The following TRPM3 variants were observed in gnomAD, a reference collection of about 807,000 sequenced individuals.
TRPM3 encodes the protein long transient receptor potential channel 3.
Under a neutral mutation model 181.2 loss-of-function variants are expected in TRPM3, and 77 were observed. The ratio of observed to expected loss-of-function variants is 0.42; its 90% CI spans 0.35 to 0.51. The LOEUF (loss-of-function observed/expected upper bound fraction) is 0.51, where lower values mean the gene tolerates loss of function less well. TRPM3 is among the 20% of genes least tolerant of loss of function. The probability of loss-of-function intolerance (pLI) is 0.01; values close to 1 mark genes in which losing one functional copy is unlikely to be tolerated. For synonymous variants in TRPM3, 745 were observed against 796.4 expected (o/e 0.94, Z 1.09); for missense variants, 1,759 against 2,196.7 (o/e 0.80, Z 3.98).
chr9:71,296,749 C>G (rs1315280163), intron 1 of TRPM3, among the ~76,000 whole-genome samples: 3 of 152,008 alleles, frequency 2.0e-5, no homozygotes, highest in Non-Finnish European at 4.4e-5. Flanking sequence ...GCTACAAGAC[C>G]CAACAGACTA....
intron 1 of TRPM3, among the ~76,000 whole-genome samples, chr9:71,307,334 T>C (rs1040571202): frequency 6.6e-6 from 1 of 152,140 alleles, no homozygotes; most frequent in East Asian, 1.9e-4. Flanking sequence ...AATCCTATAA[T>C]TGCATTTGAA....
chr9:70,667,049 T>C (rs2061944119), intron 9 of TRPM3, among the ~76,000 whole-genome samples: 1 of 152,102 alleles, frequency 6.6e-6, no homozygotes, highest in Non-Finnish European at 1.5e-5. Context: ...AAAGACAGTA[T>C]TGGTGAATTT....
chr9:71,096,560 G>GCA (rs35388140), intron 1 of TRPM3, among the ~76,000 whole-genome samples: 7,499 of 77,986 alleles, frequency 0.096, 447 homozygotes, highest in African/African-American at 0.14. Flanking sequence ...GTGAGCGCAT[G>GCA]CACACACACA....
chr9:71,377,454 T>C (rs972050081), intron 1 of TRPM3, among the ~76,000 whole-genome samples: 2 of 152,016 alleles, frequency 1.3e-5, no homozygotes, highest in African/African-American at 4.8e-5. Context: ...CCTCTGAAAT[T>C]GTTTGCATTC....
chr9:70,599,410 C>T (rs2059517015), intron 20 of TRPM3, among the ~76,000 whole-genome samples: 1 of 152,184 alleles, frequency 6.6e-6, no homozygotes. Flanking sequence ...AAATGAACAA[C>T]AACAACAACA....
intron 1 of TRPM3, among the ~76,000 whole-genome samples, chr9:71,178,436 T>C (rs914208467): frequency 6.6e-6 from 1 of 152,098 alleles, no homozygotes; most frequent in Non-Finnish European, 1.5e-5. Flanking sequence ...TCTCAGGCAA[T>C]TTAACTTTTT....
At chr9:71,342,985 C>A (rs1313547092) in intron 1 of TRPM3, among the ~76,000 whole-genome samples, 1 of 151,712 alleles carries the variant, frequency 6.6e-6, no homozygotes, top group Non-Finnish European at 1.5e-5. Flanking sequence ...AATAGTGTAC[C>A]CTTTGTATAA....
chr9:70,768,986 T>C (rs911959825), intron 7 of TRPM3, among the ~76,000 whole-genome samples: 4 of 152,202 alleles, frequency 2.6e-5, no homozygotes, highest in African/African-American at 4.8e-5. Flanking sequence ...TCTATCTACT[T>C]TGGTTTTCAT....
At chr9:70,701,047 T>C (rs543411633) in intron 8 of TRPM3, among the ~76,000 whole-genome samples, 1 of 152,342 alleles carries the variant, frequency 6.6e-6, no homozygotes, top group Admixed American at 6.5e-5. Flanking sequence ...ATTGTAGTTC[T>C]AGAATGATGC....
intron 25 of TRPM3, among the ~76,000 whole-genome samples, chr9:70,547,294 C>T (rs1166149726): frequency 6.6e-6 from 1 of 151,958 alleles, no homozygotes; most frequent in Non-Finnish European, 1.5e-5. Context: ...TATATACATA[C>T]ATATACATAT....
intron 24 of TRPM3, among the ~76,000 whole-genome samples, chr9:70,552,364 G>A (rs144997458): frequency 1.4e-4 from 21 of 152,292 alleles, no homozygotes; most frequent in South Asian, 4.1e-4. Context: ...TTTGTCCTCC[G>A]AGTAACAGAA....
At chr9:71,209,690 TG>T (rs2079360219) in intron 1 of TRPM3, among the ~76,000 whole-genome samples, 1 of 152,216 alleles carries the variant, frequency 6.6e-6, no homozygotes, top group Admixed American at 6.5e-5. Flanking sequence ...TGCCTCTTTT[TG>T]TCTGGTCCAT....
At chr9:71,293,251 C>T (rs2085974678) in intron 1 of TRPM3, among the ~76,000 whole-genome samples, 1 of 151,728 alleles carries the variant, frequency 6.6e-6, no homozygotes, top group Admixed American at 6.6e-5. Flanking sequence ...AAAATGCCCA[C>T]TATCACTTCC....
chr9:71,362,416 C>A (rs1244067417), intron 1 of TRPM3, among the ~76,000 whole-genome samples: 1 of 152,086 alleles, frequency 6.6e-6, no homozygotes, highest in Non-Finnish European at 1.5e-5. Context: ...GGTGTTGGTG[C>A]TGGAAGTTGT....
chr9:70,979,499 T>A (rs2134004453), intron 1 of TRPM3, among the ~76,000 whole-genome samples: 1 of 152,236 alleles, frequency 6.6e-6, no homozygotes, highest in Admixed American at 6.5e-5. Flanking sequence ...CACCCCCAAA[T>A]TAAAAGAAAC....
At chr9:71,015,543 G>A (rs1025158714) in intron 1 of TRPM3, among the ~76,000 whole-genome samples, 2 of 152,186 alleles carry the variant, frequency 1.3e-5, no homozygotes, top group Non-Finnish European at 2.9e-5. Flanking sequence ...CTATAAGCAA[G>A]TAATGGCATA....
chr9:71,361,827 A>G (rs1364533850), intron 1 of TRPM3, among the ~76,000 whole-genome samples: 2 of 152,226 alleles, frequency 1.3e-5, no homozygotes, highest in Non-Finnish European at 2.9e-5. Flanking sequence ...TGGATTTATT[A>G]CAAGACTGAA....
At chr9:71,166,665 T>G (rs1165863736) in intron 1 of TRPM3, among the ~76,000 whole-genome samples, 3 of 152,236 alleles carry the variant, frequency 2.0e-5, no homozygotes, top group African/African-American at 7.2e-5. Flanking sequence ...ATAATGTTTT[T>G]GTCTCCATGT....
intron 1 of TRPM3, among the ~76,000 whole-genome samples, chr9:71,145,874 C>G (rs1036466054): frequency 6.6e-6 from 1 of 151,326 alleles, no homozygotes; most frequent in Admixed American, 6.6e-5. Flanking sequence ...TAAAATTCCC[C>G]CCTCATTACT....
Sources: allele counts gnomAD v4.1 joint callset (sites outside exome capture counted in the v4.1 genomes callset), GRCh38; gene constraint gnomAD v4.1.1; transcripts MANE v1.5; gene names NCBI Gene and HGNC (gene_info 2026-07-23, HGNC 2026-07-21).